LRRC8A: variants seen among roughly 807,000 people sequenced by gnomAD.
LRRC8A encodes volume-regulated anion channel subunit LRRC8A.
LRRC8A carries 24 observed loss-of-function variants against 52.5 expected under a neutral mutation model. The observed-to-expected ratio is 0.46, with a 90% CI of 0.33 to 0.64. The LOEUF (loss-of-function observed/expected upper bound fraction) is 0.64, where lower values mean the gene tolerates loss of function less well. Among genes scored for constraint, LRRC8A ranks in the 30% least tolerant of loss-of-function variants. LRRC8A has a pLI of 0.02. For missense variants in LRRC8A, 677 were observed against 1,094.7 expected (o/e 0.62, Z 5.38); for synonymous variants, 492 against 494.2 (o/e 1.00, Z 0.06).
chr9:128,916,634 C>G lies in LRRC8A; in HGVS notation c.*263C>G. On this transcript the variant is annotated 3_prime_UTR_variant, in exon 4 of 4. Transcript: ENST00000372600. This position sits in a 1 kb window ranked among gnomAD's most constrained non-coding sequence, Gnocchi z 6.1. ...CTCAAGAGCGCAGTATTTGGATAAT[C>G]AGGGTCTCCTCCCTGGAGGCCAGCT... is the stretch of plus-strand genomic sequence containing the variant. 6.5e-6 allele frequency: 3 copies of G among 461,238 alleles called. No individual in the cohort carries two copies. The highest frequency in any genetic ancestry group is 1.2e-5 in the Non-Finnish European group (3 of 256,872). 28.6% of individuals were successfully genotyped at this position (461,238 alleles called of 1,614,324 possible).
At chr9:128,887,065 G>A (rs916739225) in intron 2 of LRRC8A, among the ~76,000 whole-genome samples, 3 of 152,110 alleles carry the variant, frequency 2.0e-5, no homozygotes, top group African/African-American at 7.2e-5. Flanking sequence ...TGTGAAGGAA[G>A]GCCTGAGTCT....
chr9:128,886,748 C>T (rs1233656393), intron 2 of LRRC8A, among the ~76,000 whole-genome samples: 3 of 152,202 alleles, frequency 2.0e-5, no homozygotes, highest in African/African-American at 7.2e-5. Flanking sequence ...AGGCAGTTGG[C>T]AGAGTGCATG....
chr9:128,912,526 G>C (rs1414032574), intron 3 of LRRC8A, among the ~76,000 whole-genome samples: 2 of 150,928 alleles, frequency 1.3e-5, no homozygotes, highest in Admixed American at 6.6e-5. Flanking sequence ...TGGATGGCAG[G>C]GGGGTCCTGT....
intron 2 of LRRC8A, among the ~76,000 whole-genome samples, chr9:128,890,817 G>A (rs1481063622): frequency 6.6e-6 from 1 of 152,164 alleles, no homozygotes; most frequent in African/African-American, 2.4e-5. Flanking sequence ...GTTAAGACCT[G>A]TAAACCGTGT....
chr9:128,911,793 A>G lies in LRRC8A; in HGVS notation c.2157+2472A>G, dbSNP rs967238850. Among the ~76,000 whole-genome samples the G allele has an allele frequency of 3.9e-5, 6 of 152,202 alleles. No individual in the cohort carries two copies. The highest frequency in any genetic ancestry group is 1.4e-4 in the African/African-American group (6 of 41,454). On this transcript the variant is annotated intron_variant, in intron 3 of 3. Transcript: ENST00000372600. The surrounding 1 kb of genome is among the most constrained non-coding windows in gnomAD (Gnocchi z 4.9). Reference sequence around the variant, plus strand: ...CCTGTTTAGCACATGGCTTAATCACATCCTGTCCCCACCCCCTGGAACACC... The same window carrying G: ...CCTGTTTAGCACATGGCTTAATCACGTCCTGTCCCCACCCCCTGGAACACC...
chr9:128,886,512 C>T (rs1291764240), intron 2 of LRRC8A, among the ~76,000 whole-genome samples: 1 of 152,204 alleles, frequency 6.6e-6, no homozygotes, highest in Non-Finnish European at 1.5e-5. Context: ...ACAAAGACTT[C>T]TTGTTATCCT....
At chr9:128,893,566 A>G (rs1274913460) in intron 2 of LRRC8A, among the ~76,000 whole-genome samples, 1 of 152,054 alleles carries the variant, frequency 6.6e-6, no homozygotes, top group African/African-American at 2.4e-5. Flanking sequence ...TGCTCCCAGG[A>G]GGTGAGGACC....
chr9:128,911,035 G>T lies in LRRC8A; in HGVS notation c.2157+1714G>T, dbSNP rs16930760. Among the ~76,000 whole-genome samples the T allele has an allele frequency of 0.022, 3,371 of 152,238 alleles. 62 individuals carry two copies. Among genetic ancestry groups the T allele is most frequent in the Non-Finnish European group, 0.034 (2,283 of 68,006 alleles). ...CAACCTGCTGAGTCCTCCCAACAGG[G>T]TCTGTCTATAGCATCCTCAGGCACG... On this transcript the variant is annotated intron_variant, in intron 3 of 3. Coordinates refer to ENST00000372600, the MANE Select transcript of LRRC8A (RefSeq NM_019594.4). This position sits in a 1 kb window ranked among gnomAD's most constrained non-coding sequence, Gnocchi z 4.9.
At position 128,908,099 on chromosome 9, in the gene LRRC8A, AC is replaced by A. The variant is rs1269411802; in HGVS notation, c.940del (p.Leu314TrpfsTer15). 2 of 1,613,618 alleles carry A rather than the reference AC, an allele frequency of 1.2e-6. No individual in the cohort carries two copies. The highest frequency in any genetic ancestry group is 1.7e-6 in the Non-Finnish European group (2 of 1,179,926). ...GGCTACCGCACCTACCGCTGTGCCC[AC>A]CCCCTGGCCACACTCTTCAAGATCC... Reference protein sequence around the residue: ...LTGYRTYRCAHPLATLFKILA... With the variant: ...LTGYRTYRCAXPLATLFKILA... On this transcript the variant is annotated frameshift_variant, in exon 3 of 4. Transcript: ENST00000372600. LOFTEE classifies it high-confidence loss of function.
chr9:128,888,679 C>T lies in LRRC8A; in HGVS notation c.-9+2558C>T, dbSNP rs1323827264. Among the ~76,000 whole-genome samples, 6 of 152,048 alleles carry T rather than the reference C, an allele frequency of 3.9e-5. No homozygotes were observed. The East Asian group carries it at 9.7e-4, about 24-fold the overall frequency. On this transcript the variant is annotated intron_variant, in intron 2 of 3. Transcript: ENST00000372600. The stretch of plus-strand genomic sequence containing the variant: ...ATACAGGCGTGGCAGCCTCGTTTTG[C>T]GGGGCTGCGAGAGCGTCTGGCAGGA...
At chr9:128,900,468 G>A (rs1839982513) in intron 2 of LRRC8A, among the ~76,000 whole-genome samples, 1 of 152,202 alleles carries the variant, frequency 6.6e-6, no homozygotes, top group Non-Finnish European at 1.5e-5. Flanking sequence ...CAGCACTTTG[G>A]GAAGCTGAGG....
chr9:128,907,721 C>G lies in LRRC8A; in HGVS notation c.557C>G (p.Ala186Gly). 4 of 1,613,578 alleles carry G rather than the reference C, an allele frequency of 2.5e-6. No homozygotes were observed. Among genetic ancestry groups the G allele is most frequent in the Non-Finnish European group, 3.4e-6 (4 of 1,179,794 alleles). The change falls in exon 3 of 4, where the codon GCC becomes GGC. Residue 186 changes from alanine (A) to glycine (G), a missense_variant. By Grantham distance (60) the Ala-to-Gly change is moderately conservative. Coordinates refer to ENST00000372600, the MANE Select transcript of LRRC8A (RefSeq NM_019594.4). This position sits in a 1 kb window ranked among gnomAD's most constrained non-coding sequence, Gnocchi z 9.3. ...GTGGAGGAGAGCGACCCCAAGCCGG[C>G]CTTCAGCAAGATGAATGGGTCCATG... ...TVVEESDPKP[A>G]FSKMNGSMDK...
intron 2 of LRRC8A, among the ~76,000 whole-genome samples, chr9:128,900,692 T>G (rs1002204925): frequency 3.9e-5 from 6 of 152,030 alleles, no homozygotes; most frequent in Non-Finnish European, 8.8e-5. Context: ...AGTGACAGAT[T>G]GAGACTCCGT....
In LRRC8A at chr9:128,916,637, G is replaced by T; in HGVS notation, c.*266G>T. On this transcript the variant is annotated 3_prime_UTR_variant, in exon 4 of 4. Transcript: ENST00000372600. This position sits in a 1 kb window ranked among gnomAD's most constrained non-coding sequence, Gnocchi z 6.1. ...AAGAGCGCAGTATTTGGATAATCAGGGTCTCCTCCCTGGAGGCCAGCTCTG... is the reference window on the plus strand; with the variant it reads ...AAGAGCGCAGTATTTGGATAATCAGTGTCTCCTCCCTGGAGGCCAGCTCTG... 2 of 447,150 alleles carry T rather than the reference G, an allele frequency of 4.5e-6. No individual in the cohort carries two copies. The highest frequency in any genetic ancestry group is 8.0e-6 in the Non-Finnish European group (2 of 248,596). The allele number at this position is 447,150 out of a possible 1,614,324, so 27.7% of individuals were successfully genotyped here. A position where few individuals can be genotyped will look rare whatever the true frequency, so the allele number is the denominator to read the frequency against.
chr9:128,890,286 G>GTTGCGTC (rs1839563985), intron 2 of LRRC8A, among the ~76,000 whole-genome samples: 1 of 152,050 alleles, frequency 6.6e-6, no homozygotes, highest in African/African-American at 2.4e-5. Context: ...ATGCGTTTCT[G>GTTGCGTC]TTGCGTCTTG....
At chr9:128,883,028 G>T (rs1839171373) in intron 1 of LRRC8A, 1 of 359,942 alleles carries the variant, frequency 2.8e-6, no homozygotes, top group Admixed American at 4.7e-5. Context: ...CTGGACCGGG[G>T]TGAACCGAGG....
Position 128,894,483 on chromosome 9 carries a change from C to CA in LRRC8A, c.-9+8375dup, listed in dbSNP as rs563089026. The stretch of plus-strand genomic sequence containing the variant: ...TGGGCAACAGAGTGAGACTCCATCT[C>CA]AAAAAAAAAAAAATTATACCAGTAA... On this transcript the variant is annotated intron_variant, in intron 2 of 3. Coordinates refer to ENST00000372600, the MANE Select transcript of LRRC8A (RefSeq NM_019594.4). 8.4e-3 allele frequency among the ~76,000 whole-genome samples: 1,147 copies of CA among 136,212 alleles called. 8 individuals carry two copies. The highest frequency in any genetic ancestry group is 0.021 in the African/African-American group (758 of 36,522). The allele number at this position is 136,212 out of a possible 152,430, so 89.4% of individuals were successfully genotyped here.
chr9:128,882,792 A>C, intron 1 of LRRC8A: 2 of 398,424 alleles, frequency 5.0e-6, no homozygotes, highest in Non-Finnish European at 8.8e-6. Context: ...CTGGGATGGG[A>C]TATTTGGGAA....
chr9:128,885,390 T>G (rs1839352755), intron 1 of LRRC8A: 1 of 152,242 alleles, frequency 6.6e-6, no homozygotes, highest in Admixed American at 6.6e-5. Context: ...CTCCTCCAGG[T>G]AAACATGTGC....
Sources: gnomAD v4.1 joint callset for allele counts (sites outside exome capture counted in the v4.1 genomes callset) on GRCh38, gnomAD v4.1.1 for gene constraint, Gnocchi (gnomAD v3.1) non-coding constraint, MANE v1.5 for transcripts, NCBI Gene and HGNC (gene_info 2026-07-23, HGNC 2026-07-21) for gene names.